DNER: variants seen among roughly 807,000 people sequenced by gnomAD.
The protein encoded by DNER is delta and Notch-like epidermal growth factor-related receptor.
DNER carries 33 observed loss-of-function variants against 78.2 expected under a neutral mutation model. That is an observed-to-expected ratio of 0.42 (90% confidence interval 0.32 to 0.56). The LOEUF (loss-of-function observed/expected upper bound fraction) is 0.56. Among genes scored for constraint, DNER ranks in the 20% least tolerant of loss-of-function variants. DNER has a pLI of 0.11. For synonymous variants in DNER, 417 were observed against 384.8 expected (o/e 1.08, Z -0.98); for missense variants, 918 against 975.3 (o/e 0.94, Z 0.78).
intron 2 of DNER, among the ~76,000 whole-genome samples, chr2:229,590,202 T>C (rs1236066411): frequency 6.6e-6 from 1 of 152,188 alleles, no homozygotes; most frequent in Non-Finnish European, 1.5e-5. Flanking sequence ...CCAACTCTTC[T>C]ACCCAGCAAA....
intron 9 of DNER, among the ~76,000 whole-genome samples, chr2:229,412,885 T>G (rs1320924452): frequency 6.6e-6 from 1 of 152,194 alleles, no homozygotes; most frequent in Non-Finnish European, 1.5e-5. Flanking sequence ...CTTCAATTAC[T>G]TCACCATGAA....
intron 1 of DNER, among the ~76,000 whole-genome samples, chr2:229,667,217 G>A (rs550167241): frequency 6.6e-6 from 1 of 152,306 alleles, no homozygotes; most frequent in Non-Finnish European, 1.5e-5. Flanking sequence ...CAGGTCTGTG[G>A]CAGCGAGAGG....
chr2:229,636,243 A>T (rs1167651309), intron 1 of DNER, among the ~76,000 whole-genome samples: 1 of 152,196 alleles, frequency 6.6e-6, no homozygotes, highest in Non-Finnish European at 1.5e-5. Context: ...TTCTCCTCAC[A>T]TCCAACAGCT....
intron 1 of DNER, among the ~76,000 whole-genome samples, chr2:229,606,579 A>T (rs1697942593): frequency 1.3e-5 from 2 of 152,166 alleles, no homozygotes; most frequent in Non-Finnish European, 2.9e-5. Flanking sequence ...TGGACATCCT[A>T]AACCAAAAAT....
rs1692126569 is a variant in DNER, at chr2:229,357,982, C to G, written c.*558G>C. ...CAAAAACAAACTCGAAAGAATGTTT[C>G]CACAAAGTTCAACAAAACAGTGCAG... On this transcript the variant is annotated 3_prime_UTR_variant, in exon 13 of 13. Transcript: ENST00000341772. 6.6e-6 allele frequency: 1 copy of G among 152,628 alleles called. No individual in the cohort carries two copies. The highest frequency in any genetic ancestry group is 2.1e-4 in the South Asian group (1 of 4,832). 9.5% of individuals were successfully genotyped at this position (152,628 alleles called of 1,614,324 possible).
At chr2:229,501,644 C>A (rs989283737) in intron 6 of DNER, among the ~76,000 whole-genome samples, 1 of 152,274 alleles carries the variant, frequency 6.6e-6, no homozygotes, top group East Asian at 1.9e-4. Context: ...GACAACAACA[C>A]AGTTTGAATT....
intron 4 of DNER, among the ~76,000 whole-genome samples, chr2:229,553,210 A>G (rs1696785126): frequency 6.6e-6 from 1 of 152,208 alleles, no homozygotes; most frequent in Non-Finnish European, 1.5e-5. Context: ...CTTTAGTGCC[A>G]GGGGATTGGC....
intron 6 of DNER, among the ~76,000 whole-genome samples, chr2:229,484,599 T>C (rs1443771003): frequency 6.6e-6 from 1 of 152,196 alleles, no homozygotes; most frequent in Non-Finnish European, 1.5e-5. Context: ...GGTTCTTGAC[T>C]GGGGTGATTC....
At chr2:229,542,683 A>G (rs1696538467) in intron 5 of DNER, among the ~76,000 whole-genome samples, 1 of 151,392 alleles carries the variant, frequency 6.6e-6, no homozygotes, top group East Asian at 1.9e-4. Flanking sequence ...AAAAAACGTG[A>G]TGACAACAGT....
chr2:229,597,115 GCA>G (rs1168438045), intron 1 of DNER, among the ~76,000 whole-genome samples: 1 of 110,530 alleles, frequency 9.0e-6, no homozygotes, highest in Admixed American at 9.7e-5. Flanking sequence ...ACACACACAT[GCA>G]CACACACACA....
intron 4 of DNER, among the ~76,000 whole-genome samples, chr2:229,548,287 G>T (rs564019712): frequency 2.6e-5 from 4 of 152,178 alleles, no homozygotes; most frequent in African/African-American, 9.6e-5. Flanking sequence ...AGCTAAATAC[G>T]AATTAAAACC....
intron 6 of DNER, among the ~76,000 whole-genome samples, chr2:229,498,888 T>A (rs1281811836): frequency 6.6e-6 from 1 of 152,156 alleles, no homozygotes; most frequent in African/African-American, 2.4e-5. Flanking sequence ...CAATGACATT[T>A]TCCACAGAAA....
At chr2:229,580,553 G>A (rs914085122) in intron 4 of DNER, among the ~76,000 whole-genome samples, 1 of 152,078 alleles carries the variant, frequency 6.6e-6, no homozygotes, top group Non-Finnish European at 1.5e-5. Context: ...AAGAGAAAAA[G>A]GCAAGTATAA....
intron 11 of DNER, among the ~76,000 whole-genome samples, chr2:229,375,079 G>A (rs1259381389): frequency 1.3e-5 from 2 of 152,122 alleles, no homozygotes; most frequent in Non-Finnish European, 2.9e-5. Context: ...CTACCTATCT[G>A]TATAATGCCT....
chr2:229,393,165 C>T (rs554482631), intron 10 of DNER, among the ~76,000 whole-genome samples: 73 of 152,296 alleles, frequency 4.8e-4, no homozygotes, highest in African/African-American at 1.6e-3. Flanking sequence ...TAGTGACTCA[C>T]ACCTGTAATC....
chr2:229,531,319 A>G (rs1696296531), intron 5 of DNER, among the ~76,000 whole-genome samples: 1 of 152,192 alleles, frequency 6.6e-6, no homozygotes, highest in Non-Finnish European at 1.5e-5. Context: ...CTTCATGCAC[A>G]AACAGCATAT....
intron 11 of DNER, among the ~76,000 whole-genome samples, chr2:229,383,946 G>C (rs1367143066): frequency 6.6e-6 from 1 of 151,996 alleles, no homozygotes; most frequent in Non-Finnish European, 1.5e-5. Flanking sequence ...CTCCAAATCA[G>C]CAGAATACAC....
At chr2:229,377,160 C>T (rs1381527018) in intron 11 of DNER, among the ~76,000 whole-genome samples, 1 of 152,180 alleles carries the variant, frequency 6.6e-6, no homozygotes. Flanking sequence ...TCCAGAACTA[C>T]ACTCAATGCC....
At chr2:229,635,792 T>C (rs929674611) in intron 1 of DNER, among the ~76,000 whole-genome samples, 8 of 152,168 alleles carry the variant, frequency 5.3e-5, no homozygotes, top group Non-Finnish European at 1.2e-4. Flanking sequence ...TTGTACAACA[T>C]TTACCATGTA....
Sources: gnomAD v4.1 joint callset for allele counts (sites outside exome capture counted in the v4.1 genomes callset) on GRCh38, gnomAD v4.1.1 for gene constraint, MANE v1.5 for transcripts, NCBI Gene and HGNC (gene_info 2026-07-23, HGNC 2026-07-21) for gene names.